Variants in ACIN1 observed in about 807,000 individuals in gnomAD.
ACIN1 encodes the protein apoptotic chromatin condensation inducer in the nucleus.
In ACIN1, 16 loss-of-function variants were observed where a neutral mutation model predicts 146.6. That is an observed-to-expected ratio of 0.11 (90% CI 0.07 to 0.17). ACIN1 has a LOEUF of 0.17. Ranked by LOEUF, ACIN1 falls within the 10% of genes least tolerant of loss-of-function variation. The pLI is 1.00. For missense variants in ACIN1, 1,357 were observed against 1,609.3 expected (o/e 0.84, Z 2.68); for synonymous variants, 569 against 582.7 (o/e 0.98, Z 0.34).
intron 2 of ACIN1, 114 bp from the exon 3 acceptor site, chr14:23,090,747 C>G: frequency 1.4e-6 from 1 of 728,680 alleles, no homozygotes; most frequent in Non-Finnish European, 2.2e-6. Flanking sequence ...AGAAAGATAA[C>G]TAAAATGTTG....
intron 8 of ACIN1, among the ~76,000 whole-genome samples, chr14:23,075,333 T>G (rs1324158144): frequency 6.6e-6 from 1 of 151,748 alleles, no homozygotes; most frequent in Non-Finnish European, 1.5e-5. Context: ...CTTTTTTTTT[T>G]TTTTTTTTTA....
intron 8 of ACIN1, chr14:23,077,673 A>C (rs922277433): frequency 6.5e-6 from 1 of 153,242 alleles, no homozygotes; most frequent in African/African-American, 2.4e-5. Context: ...TGTAAGAACT[A>C]GGATATCCTA....
rs769774216 is a variant in ACIN1, at chr14:23,090,146, T to C, written c.317-45A>G. Reference sequence around the variant, plus strand: ...TCGGGGCAGGGAGGGAGTGAAGGACTCAGCATGTAGGAATATGTAGAGGAG... The same window carrying C: ...TCGGGGCAGGGAGGGAGTGAAGGACCCAGCATGTAGGAATATGTAGAGGAG... On this transcript the variant is annotated intron_variant, in intron 3 of 18. Transcript: ENST00000605057. 1.1e-5 allele frequency: 17 copies of C among 1,596,966 alleles called. No individual in the cohort carries two copies. The Admixed American group carries it at 2.9e-4, about 27-fold the overall frequency.
Position 23,090,703 on chromosome 14 carries a change from T to C in ACIN1, c.205-70A>G, listed in dbSNP as rs1035144590. The stretch of plus-strand genomic sequence containing the variant: ...GGAGAATGCAAAGAAGAACATTCCA[T>C]GGAGCAAAGGTCCACTCCTTATAGT... On this transcript the variant is annotated intron_variant, in intron 2 of 18. Coordinates refer to ENST00000605057, the MANE Select transcript of ACIN1 (RefSeq NM_001386863.1). The C allele has an allele frequency of 3.2e-6, 4 of 1,250,384 alleles. No homozygotes were observed. In the South Asian group the frequency reaches 3.8e-5, roughly 12 times the overall value. The allele number at this position is 1,250,384 out of a possible 1,614,324, so 77.5% of individuals were successfully genotyped here.
At position 23,059,138 on chromosome 14, in the gene ACIN1, G is replaced by A. The variant is rs751248442; in HGVS notation, c.*10C>T. 3.1e-6 allele frequency: 5 copies of A among 1,612,316 alleles called. No individual in the cohort carries two copies. The East Asian group carries it at 8.9e-5, about 29-fold the overall frequency. ...AGTGGCTGGTACCTGCAGCTCTAGT[G>A]TTTTCCCAGCTAGCGGCGCCCACCC... On this transcript the variant is annotated 3_prime_UTR_variant, in exon 19 of 19. Transcript: ENST00000605057.
At chr14:23,085,462 TATA>T (rs1256605270) in intron 4 of ACIN1, among the ~76,000 whole-genome samples, 2 of 152,202 alleles carry the variant, frequency 1.3e-5, no homozygotes, top group African/African-American at 4.8e-5. Flanking sequence ...TTTATTGAAT[TATA>T]ATGTTATTTT....
intron 4 of ACIN1, among the ~76,000 whole-genome samples, chr14:23,089,569 G>C (rs2048175695): frequency 6.6e-6 from 1 of 152,090 alleles, no homozygotes; most frequent in African/African-American, 2.4e-5. Flanking sequence ...TATTCCTCGT[G>C]CCTAGCATGT....
intron 6 of ACIN1, 65 bp downstream of exon 6, chr14:23,079,482 G>T: frequency 2.5e-6 from 4 of 1,571,584 alleles, no homozygotes; most frequent in Non-Finnish European, 3.5e-6. Context: ...GCTCTCCAGG[G>T]GCTGAAATGA....
Position 23,069,466 on chromosome 14 carries a change from G to A in ACIN1, c.2265+10C>T, listed in dbSNP as rs1261147156. 1.9e-6 allele frequency: 3 copies of A among 1,612,804 alleles called. No individual in the cohort carries two copies. Among genetic ancestry groups the A allele is most frequent in the Admixed American group, 1.7e-5 (1 of 59,892 alleles). ...GCCCACCCGCCCCAATAGGTGGCTTGGATGTTTACCTCTTTCTTCTCCTCA... is the reference window on the plus strand; with the variant it reads ...GCCCACCCGCCCCAATAGGTGGCTTAGATGTTTACCTCTTTCTTCTCCTCA... On this transcript the variant is annotated intron_variant, in intron 9 of 18. Transcript: ENST00000605057.
rs1321411301 is a variant in ACIN1, at chr14:23,067,859, G to GTA, written c.2265+1615_2265+1616dup. Reference sequence around the variant, plus strand: ...TGGGATCATGGAGCCTCTGATGAAGGTAGCCTGGGGGTAGGTGAATACCCC... The same window carrying GTA: ...TGGGATCATGGAGCCTCTGATGAAGGTATAGCCTGGGGGTAGGTGAATACCCC... On this transcript the variant is annotated intron_variant, in intron 9 of 18. Transcript: ENST00000605057. This position sits in a 1 kb window ranked among gnomAD's most constrained non-coding sequence, Gnocchi z 4.6. 11 of 985,868 alleles carry GTA rather than the reference G, an allele frequency of 1.1e-5. No individual in the cohort carries two copies. The South Asian group carries it at 4.2e-4, about 38-fold the overall frequency. 61.1% of individuals were successfully genotyped at this position (985,868 alleles called of 1,614,324 possible). A position where few individuals can be genotyped will look rare whatever the true frequency, so the allele number is the denominator to read the frequency against.
chr14:23,062,940 T>C lies in ACIN1; in HGVS notation c.2872A>G (p.Ile958Val). ...AAACAATGACTTACCAAATTGGAGA[T>C]ATGGACAATGTTGCTAATCTTGCCC... ...PRGKISNIVH[I>V]SNLVRPFTLG... The change falls in exon 14 of 19, where the codon ATC (isoleucine) becomes GTC (valine). Residue 958 changes from isoleucine (I) to valine (V), a missense_variant. Physicochemically the swap from Ile to Val is conservative, Grantham distance 29 (BLOSUM62 3). Around this residue, in one of 4 missense-constraint regions of ACIN1, gnomAD observed 509 missense variants for 719.6 expected, o/e 0.71. Coordinates refer to ENST00000605057, the MANE Select transcript of ACIN1 (RefSeq NM_001386863.1). 1 of 1,606,708 alleles carries C rather than the reference T, an allele frequency of 6.2e-7. No individual in the cohort carries two copies.
At chr14:23,086,246 C>T (rs549703432) in intron 4 of ACIN1, among the ~76,000 whole-genome samples, 87 of 152,292 alleles carry the variant, frequency 5.7e-4, no homozygotes, top group African/African-American at 1.1e-3. Context: ...ATGGAGAAAA[C>T]GGAATGAGGG....
rs1406829924 is a variant in ACIN1 at position 23,064,382 on chromosome 14, G to A, written c.2415C>T (p.Ser805=). Residue 805 remains serine, a synonymous_variant, in exon 11 of 19, where the codon TCC becomes TCT. Coordinates refer to ENST00000605057, the MANE Select transcript of ACIN1 (RefSeq NM_001386863.1). ...TTAGTGATTCAGTGGTGATACTGAT[G>A]GAAGGTTTCTTCTGTGTGGTGGCTG... ...ASTATTQKKP[S]ISITTESLKS... The A allele has an allele frequency of 1.2e-6, 2 of 1,614,128 alleles. No homozygotes were observed. Among genetic ancestry groups the A allele is most frequent in the African/African-American group, 1.3e-5 (1 of 74,950 alleles).
chr14:23,072,991 A>G (rs185614606), intron 8 of ACIN1, among the ~76,000 whole-genome samples: 1 of 152,340 alleles, frequency 6.6e-6, no homozygotes, highest in African/African-American at 2.4e-5. Flanking sequence ...GTTAGCTCTT[A>G]AGAGTCTGGC....
intron 8 of ACIN1, 197 bp downstream of exon 8, chr14:23,077,954 T>C: frequency 2.3e-6 from 1 of 430,312 alleles, no homozygotes; most frequent in Non-Finnish European, 4.1e-6. Context: ...CCTTGTGCCC[T>C]GACGACCACT....
Position 23,059,337 on chromosome 14 carries a change from T to C in ACIN1, c.3663A>G (p.Lys1221=), listed in dbSNP as rs1227728461. The C allele has an allele frequency of 6.2e-6, 10 of 1,608,240 alleles. No homozygotes were observed. Among genetic ancestry groups the C allele is most frequent in the Non-Finnish European group, 8.5e-6 (10 of 1,174,694 alleles). Reference sequence around the variant, plus strand: ...CCCTCTCCCGACTGTGCTCCCGACGTTTCTCTCGCTCCAGCTGTCGGTTCC... The same window carrying C: ...CCCTCTCCCGACTGTGCTCCCGACGCTTCTCTCGCTCCAGCTGTCGGTTCC... ...RERNRQLERE[K]RREHSRERDR... is the part of the protein sequence containing the mutation. Residue 1221 remains lysine (K), a synonymous_variant, in exon 19 of 19, where the codon AAA becomes AAG. Transcript: ENST00000605057.
At chr14:23,095,374 T>C, upstream of ACIN1, 1 of 1,475,582 alleles carries the variant, frequency 6.8e-7, no homozygotes, top group Non-Finnish European at 9.1e-7. Context: ...TTGCCGAAGC[T>C]TTGAATCGAA....
chr14:23,061,847 G>T (rs61976367), intron 16 of ACIN1, among the ~76,000 whole-genome samples: 4 of 151,956 alleles, frequency 2.6e-5, no homozygotes, highest in East Asian at 1.9e-4. Context: ...GGTGGCGGGC[G>T]CCTGTAGTCC....
At chr14:23,088,366 G>A (rs1417672788) in intron 4 of ACIN1, among the ~76,000 whole-genome samples, 2 of 152,124 alleles carry the variant, frequency 1.3e-5, no homozygotes, top group African/African-American at 4.8e-5. Context: ...AAGATTTCTA[G>A]AAATGTCTTT....
Sources: allele counts gnomAD v4.1 joint callset (sites outside exome capture counted in the v4.1 genomes callset), GRCh38; gene constraint gnomAD v4.1.1; regional missense constraint gnomAD v4.1.1; non-coding constraint Gnocchi (gnomAD v3.1); transcripts MANE v1.5; gene names NCBI Gene and HGNC (gene_info 2026-07-23, HGNC 2026-07-21).